The following LATS2 variants were observed in gnomAD, a reference collection of about 807,000 sequenced individuals.
The protein encoded by LATS2 is serine/threonine-protein kinase LATS2.
In LATS2, 24 loss-of-function variants were observed where a neutral mutation model predicts 76.0. The ratio of observed to expected loss-of-function variants is 0.32; its 90% confidence interval spans 0.23 to 0.44. The LOEUF is 0.44. Ranked by LOEUF, LATS2 falls within the 20% of genes least tolerant of loss-of-function variation. The pLI is 1.00. For synonymous variants in LATS2, 692 were observed against 635.4 expected, an observed-to-expected ratio of 1.09 and a Z score of -1.34; for missense variants, 1,286 against 1,481.2, an observed-to-expected ratio of 0.87 and a Z score of 2.16.
chr13:21,023,235 A>T (rs1872143318), intron 2 of LATS2: 1 of 152,028 alleles, frequency 6.6e-6, no homozygotes, highest in Admixed American at 6.5e-5. Flanking sequence ...CATTTCTAGG[A>T]ATGCTAAAAA....
intron 2 of LATS2, among the ~76,000 whole-genome samples, chr13:20,994,525 C>A (rs542805291): frequency 1.3e-5 from 2 of 152,102 alleles, no homozygotes; most frequent in Non-Finnish European, 2.9e-5. Flanking sequence ...AGCCAGGATG[C>A]GGGAGGAGTG....
chr13:20,999,095 A>C (rs923362475), intron 2 of LATS2, among the ~76,000 whole-genome samples: 2 of 152,278 alleles, frequency 1.3e-5, no homozygotes, highest in Admixed American at 6.5e-5. Flanking sequence ...GGGCAGGCGC[A>C]GCACGTGCCG....
chr13:21,045,416 A>G (rs1195740108), intron 2 of LATS2, among the ~76,000 whole-genome samples: 1 of 152,228 alleles, frequency 6.6e-6, no homozygotes, highest in Non-Finnish European at 1.5e-5. Context: ...CAGATCAGAA[A>G]ATACACATTA....
rs750829854 is a variant in LATS2 at position 21,045,912 on chromosome 13, C to T, written c.115G>A (p.Ala39Thr). ...PSKSSVQGLP[A>T]GPNSDTSLDA... ...AGGGAAGTGTCACTGTTTGGTCCTGCGGGTAGCCCCTGAACCGAAGACTTG... is the reference window on the plus strand; with the variant it reads ...AGGGAAGTGTCACTGTTTGGTCCTGTGGGTAGCCCCTGAACCGAAGACTTG... The change falls in exon 2 of 8, where the codon GCA becomes ACA. Residue 39 changes from alanine (A) to threonine (T), a missense_variant. By Grantham distance (58) the Ala-to-Thr change is moderately conservative. Coordinates refer to ENST00000382592, the MANE Select transcript of LATS2 (RefSeq NM_014572.3). 12 of 1,614,050 alleles carry T rather than the reference C, an allele frequency of 7.4e-6. No homozygotes were observed. Among genetic ancestry groups the T allele is most frequent in the African/African-American group, 1.3e-5 (1 of 74,936 alleles).
intron 2 of LATS2, among the ~76,000 whole-genome samples, chr13:21,029,641 A>G (rs1313587727): frequency 6.6e-6 from 1 of 151,878 alleles, no homozygotes; most frequent in Admixed American, 6.6e-5. Context: ...AAATACAAAA[A>G]TTAGCCGGGT....
rs1871630214 is a variant in LATS2 at position 21,012,450 on chromosome 13, T to A, written c.343-21046A>T. On this transcript the variant is annotated intron_variant, in intron 2 of 7. Coordinates refer to ENST00000382592, the MANE Select transcript of LATS2 (RefSeq NM_014572.3). ...TACAAAGCCATTAGCTAATAGGAAT[T>A]TTCCAGCTCCATCACAATCTCATGG... 2.0e-5 allele frequency among the ~76,000 whole-genome samples: 3 copies of A among 152,224 alleles called. No homozygotes were observed. The South Asian group carries it at 6.2e-4, about 31-fold the overall frequency.
intron 2 of LATS2, chr13:21,038,577 T>C (rs1872756383): frequency 6.6e-6 from 1 of 152,108 alleles, no homozygotes; most frequent in South Asian, 2.1e-4. Context: ...CATTTCAAGT[T>C]GTTATGGTGG....
At position 21,061,570 on chromosome 13, in the gene LATS2, G is replaced by A. The variant is rs1873652049; in HGVS notation, c.-429C>T. Reference sequence around the variant, plus strand: ...CAAGTGGGACATTCGCTACATTGTTGGCATTCCACGGGCGTCACGTGACCC... The same window carrying A: ...CAAGTGGGACATTCGCTACATTGTTAGCATTCCACGGGCGTCACGTGACCC... On this transcript the variant is annotated 5_prime_UTR_variant, in exon 1 of 8. Coordinates refer to ENST00000382592, the MANE Select transcript of LATS2 (RefSeq NM_014572.3). The A allele has an allele frequency of 6.6e-6, 1 of 152,622 alleles. No individual in the cohort carries two copies. The highest frequency in any genetic ancestry group is 6.5e-5 in the Admixed American group (1 of 15,284). 9.5% of individuals were successfully genotyped at this position (152,622 alleles called of 1,614,324 possible).
intron 2 of LATS2, among the ~76,000 whole-genome samples, chr13:21,004,805 A>G (rs1871201759): frequency 6.6e-6 from 1 of 152,184 alleles, no homozygotes; most frequent in African/African-American, 2.4e-5. Flanking sequence ...TAAAACCTAC[A>G]CCAACCAAGA....
chr13:20,989,438 T>G (rs948685136), intron 3 of LATS2, 134 bp from the exon 4 acceptor site: 1 of 888,186 alleles, frequency 1.1e-6, no homozygotes, highest in African/African-American at 1.7e-5. Flanking sequence ...ACGTGCTGCA[T>G]TCTGCCCAGC....
At position 21,009,816 on chromosome 13, in the gene LATS2, A is replaced by G. The variant is rs911117107; in HGVS notation, c.343-18412T>C. Among the ~76,000 whole-genome samples, 3 of 152,220 alleles carry G rather than the reference A, an allele frequency of 2.0e-5. No individual in the cohort carries two copies. In the South Asian group the frequency reaches 6.2e-4, roughly 31 times the overall value. On this transcript the variant is annotated intron_variant, in intron 2 of 7. Coordinates refer to ENST00000382592, the MANE Select transcript of LATS2 (RefSeq NM_014572.3). ...GAAAAAGAGGCCTCCCTGGAGGTCT[A>G]TATGAGATCACCTGGGTCCTTAGGT...
At chr13:21,013,742 G>A (rs56707765) in intron 2 of LATS2, among the ~76,000 whole-genome samples, 2,197 of 152,250 alleles carry the variant, frequency 0.014, 60 homozygotes, top group African/African-American at 0.051. Context: ...GAGGCAGGAG[G>A]ATCACTTGAG....
rs1017968838 is a variant in LATS2 at position 21,046,174 on chromosome 13, A to G, written c.-148T>C. 1.6e-6 allele frequency: 1 copy of G among 634,416 alleles called. No individual in the cohort carries two copies. The highest frequency in any genetic ancestry group is 2.6e-6 in the Non-Finnish European group (1 of 386,320). 39.3% of individuals were successfully genotyped at this position (634,416 alleles called of 1,614,324 possible). Reference sequence around the variant, plus strand: ...AAATGTTCTTTCCTTCCATTTTTGTAGTTCCTATAGAGAACCTAAAATTTT... The same window carrying G: ...AAATGTTCTTTCCTTCCATTTTTGTGGTTCCTATAGAGAACCTAAAATTTT... On this transcript the variant is annotated 5_prime_UTR_variant, in exon 2 of 8. Transcript: ENST00000382592.
intron 2 of LATS2, among the ~76,000 whole-genome samples, chr13:21,007,173 T>C (rs1265091975): frequency 6.6e-6 from 1 of 152,110 alleles, no homozygotes; most frequent in Non-Finnish European, 1.5e-5. Context: ...TTGAAATATA[T>C]ACATATTATG....
At chr13:20,994,777 AC>A (rs1870672097) in intron 2 of LATS2, among the ~76,000 whole-genome samples, 1 of 151,898 alleles carries the variant, frequency 6.6e-6, no homozygotes, top group Admixed American at 6.6e-5. Context: ...AATCCCAGCT[AC>A]TGAAGAGGTT....
At chr13:21,004,264 G>A (rs773944543) in intron 2 of LATS2, among the ~76,000 whole-genome samples, 13 of 152,068 alleles carry the variant, frequency 8.5e-5, no homozygotes, top group Non-Finnish European at 1.6e-4. Flanking sequence ...GTGAAACCCC[G>A]TCTCTGTTAA....
chr13:21,049,868 C>A (rs1873201381), intron 1 of LATS2, among the ~76,000 whole-genome samples: 1 of 152,122 alleles, frequency 6.6e-6, no homozygotes, highest in South Asian at 2.1e-4. Context: ...TGCCTATAAT[C>A]CCAGCTCTTT....
chr13:21,021,714 A>C (rs1007692851), intron 2 of LATS2, among the ~76,000 whole-genome samples: 1 of 152,182 alleles, frequency 6.6e-6, no homozygotes, highest in Non-Finnish European at 1.5e-5. Context: ...GCTTAAAGAT[A>C]ATGAAGTGAA....
At position 21,007,573 on chromosome 13, in the gene LATS2, A is replaced by ATATAG. The variant is rs1871332582; in HGVS notation, c.343-16170_343-16169insCTATA. 5.2e-4 allele frequency among the ~76,000 whole-genome samples: 10 copies of ATATAG among 19,108 alleles called. 2 individuals carry two copies. Among genetic ancestry groups the ATATAG allele is most frequent in the Non-Finnish European group, 6.3e-4 (9 of 14,206 alleles). 12.5% of individuals were successfully genotyped at this position (19,108 alleles called of 152,430 possible). The stretch of plus-strand genomic sequence containing the variant: ...TATATATATATATATATATATATAT[A>ATATAG]TATATATATATATAGTATATATATA... On this transcript the variant is annotated intron_variant, in intron 2 of 7. Coordinates refer to ENST00000382592, the MANE Select transcript of LATS2 (RefSeq NM_014572.3).
Sources: gnomAD v4.1 joint callset for allele counts (sites outside exome capture counted in the v4.1 genomes callset) on GRCh38, gnomAD v4.1.1 for gene constraint, MANE v1.5 for transcripts, NCBI Gene and HGNC (gene_info 2026-07-23, HGNC 2026-07-21) for gene names.